ATP2A2: variants seen among roughly 807,000 people sequenced by gnomAD.
ATP2A2 encodes sarcoplasmic/endoplasmic reticulum calcium ATPase 2.
Under a neutral mutation model 109.3 loss-of-function variants are expected in ATP2A2, and 14 were observed. The ratio of observed to expected loss-of-function variants is 0.13; its 90% CI spans 0.08 to 0.20. The LOEUF (loss-of-function observed/expected upper bound fraction) is 0.20. ATP2A2 is among the 10% of genes least tolerant of loss of function. The pLI is 1.00. For synonymous variants in ATP2A2, 506 were observed against 490.9 expected (o/e 1.03, Z -0.41); for missense variants, 657 against 1,321.6 (o/e 0.50, Z 7.80).
chr12:110,328,337 G>A (rs573759917), intron 8 of ATP2A2, among the ~76,000 whole-genome samples: 15 of 151,380 alleles, frequency 9.9e-5, no homozygotes, highest in African/African-American at 2.4e-4. Context: ...TTGAGAGGCC[G>A]AGGCGGGTGG....
chr12:110,313,501 G>C (rs577840796), intron 5 of ATP2A2, among the ~76,000 whole-genome samples: 138 of 151,482 alleles, frequency 9.1e-4, no homozygotes, highest in African/African-American at 3.1e-3. Flanking sequence ...TTTTAGTAGA[G>C]ATGGGGTTTC....
At chr12:110,282,526 A>C in intron 1 of ATP2A2, 78 bp from the exon 2 acceptor site, 1 of 1,550,026 alleles carries the variant, frequency 6.5e-7, no homozygotes, top group Non-Finnish European at 8.9e-7. Flanking sequence ...TAGAAAAACG[A>C]AGTGCTAAAA....
chr12:110,345,023 T>G (rs1879710483), intron 17 of ATP2A2, 52 bp downstream of exon 17: 1 of 1,578,064 alleles, frequency 6.3e-7, no homozygotes, highest in Non-Finnish European at 8.7e-7. Flanking sequence ...TTGTGAGGCC[T>G]TGACCTTTCT....
intron 5 of ATP2A2, among the ~76,000 whole-genome samples, chr12:110,303,217 C>T (rs1005457862): frequency 6.6e-6 from 1 of 152,078 alleles, no homozygotes; most frequent in Non-Finnish European, 1.5e-5. Context: ...TGTGTGTGTT[C>T]AATACAATTA....
intron 11 of ATP2A2, among the ~76,000 whole-genome samples, chr12:110,334,736 C>T (rs1294623239): frequency 6.6e-6 from 1 of 151,874 alleles, no homozygotes; most frequent in African/African-American, 2.4e-5. Flanking sequence ...TACAGGCACA[C>T]GCCACCACGC....
At position 110,281,840 on chromosome 12, in the gene ATP2A2, C is replaced by A; in HGVS notation, c.51C>A (p.Gly17=). The part of the protein sequence containing the change: ...KTVEEVLGHF[G]VNESTGLSLE... ...TGGAGGAGGTGCTGGGCCACTTCGG[C>A]GTCAACGAGAGTACGGGGCTGAGCC... is the stretch of plus-strand genomic sequence containing the variant. The change falls in exon 1 of 20, where the codon GGC becomes GGA. Residue 17 remains glycine (G), a synonymous_variant. Coordinates refer to ENST00000539276, the MANE Select transcript of ATP2A2 (RefSeq NM_170665.4). 1 of 1,566,138 alleles carries A rather than the reference C, an allele frequency of 6.4e-7. No homozygotes were observed. Among genetic ancestry groups the A allele is most frequent in the East Asian group, 2.4e-5 (1 of 41,598 alleles).
chr12:110,312,647 C>T (rs1373711485), intron 5 of ATP2A2, among the ~76,000 whole-genome samples: 5 of 151,590 alleles, frequency 3.3e-5, no homozygotes, highest in South Asian at 2.1e-4. Context: ...CCCAGGAGTT[C>T]GAGACCAGCC....
At chr12:110,288,287 A>G (rs979035074) in intron 3 of ATP2A2, among the ~76,000 whole-genome samples, 8 of 151,494 alleles carry the variant, frequency 5.3e-5, no homozygotes, top group African/African-American at 1.9e-4. Context: ...TTTTTTTTAT[A>G]CACATAGGGT....
chr12:110,301,199 T>C lies in ATP2A2; in HGVS notation c.463+4462T>C, dbSNP rs147668535. ...GGCTGTTTTAGTGTGTTGAGTCTAC[T>C]TGAAGCCTTAGAGAAATTACCCCCA... On this transcript the variant is annotated intron_variant, in intron 5 of 19. Coordinates refer to ENST00000539276, the MANE Select transcript of ATP2A2 (RefSeq NM_170665.4). 6.0e-3 allele frequency among the ~76,000 whole-genome samples: 916 copies of C among 152,282 alleles called. 6 individuals are homozygous for C. The highest frequency in any genetic ancestry group is 0.021 in the African/African-American group (890 of 41,556).
intron 4 of ATP2A2, among the ~76,000 whole-genome samples, chr12:110,294,310 C>T (rs1221610932): frequency 6.6e-6 from 1 of 152,006 alleles, no homozygotes; most frequent in African/African-American, 2.4e-5. Context: ...CCCAAAGTGC[C>T]GGGATTACAA....
chr12:110,311,622 A>AAAG (rs1876073126), intron 5 of ATP2A2, among the ~76,000 whole-genome samples: 2 of 141,016 alleles, frequency 1.4e-5, no homozygotes, highest in African/African-American at 5.2e-5. Context: ...AAAAAAAAAA[A>AAAG]CGCTGGGATT....
At chr12:110,310,794 GCAATTTAAAGGAAGAAAACTTT>G (rs1219644556) in intron 5 of ATP2A2, among the ~76,000 whole-genome samples, 5 of 152,166 alleles carry the variant, frequency 3.3e-5, no homozygotes, top group African/African-American at 4.8e-5. Context: ...AAACTTGACA[GCAATTTAAAGGAAGAAAACTTT>G]CAATTTAAAG....
At position 110,348,821 on chromosome 12, in the gene ATP2A2, G is replaced by C. The variant is rs551474449; in HGVS notation, c.*2351G>C. 1 of 985,528 alleles carries C rather than the reference G, an allele frequency of 1.0e-6. No homozygotes were observed. The highest frequency in any genetic ancestry group is 4.7e-5 in the South Asian group (1 of 21,290). The allele number at this position is 985,528 out of a possible 1,614,324, so 61.0% of individuals were successfully genotyped here. A position where few individuals can be genotyped will look rare whatever the true frequency, so the allele number is the denominator to read the frequency against. ...TTGGGGCAGGGGGTAAATTTTGCCA[G>C]TTTGAGCATCATGAGGTGTAACAAG... On this transcript the variant is annotated 3_prime_UTR_variant, in exon 20 of 20. Transcript: ENST00000539276.
At chr12:110,328,753 G>A (rs536280159) in intron 8 of ATP2A2, among the ~76,000 whole-genome samples, 2 of 151,906 alleles carry the variant, frequency 1.3e-5, no homozygotes, top group South Asian at 4.2e-4. Flanking sequence ...TTTTTTTGTA[G>A]AGGCAGGTTC....
chr12:110,284,887 T>C (rs906086876), intron 3 of ATP2A2, among the ~76,000 whole-genome samples: 8 of 152,230 alleles, frequency 5.3e-5, no homozygotes, highest in Non-Finnish European at 1.0e-4. Flanking sequence ...ACCTGTTGTG[T>C]TGATTTTCTT....
At chr12:110,303,509 C>G (rs1282977755) in intron 5 of ATP2A2, among the ~76,000 whole-genome samples, 2 of 152,178 alleles carry the variant, frequency 1.3e-5, no homozygotes, top group Admixed American at 1.3e-4. Flanking sequence ...CTCCCTGGTT[C>G]AAGCGATTCT....
In ATP2A2 at chr12:110,333,323, G is replaced by A. The variant is rs147107435; in HGVS notation, c.1287+40G>A. 2.6e-5 allele frequency: 40 copies of A among 1,529,676 alleles called. No individual in the cohort carries two copies. The East Asian group carries it at 3.6e-4, about 14-fold the overall frequency. 94.8% of individuals were successfully genotyped at this position (1,529,676 alleles called of 1,614,324 possible). A position where few individuals can be genotyped will look rare whatever the true frequency, so the allele number is the denominator to read the frequency against. On this transcript the variant is annotated intron_variant, in intron 10 of 19. Transcript: ENST00000539276. ...AAATTAGAAGGAATGGCTGTTCCTA[G>A]TTCAAGGGTGGGGTGGGTGGAATGA...
chr12:110,282,163 G>T (rs976418446), intron 1 of ATP2A2, among the ~76,000 whole-genome samples: 1 of 152,202 alleles, frequency 6.6e-6, no homozygotes, highest in Non-Finnish European at 1.5e-5. Flanking sequence ...AGCAGCAGCC[G>T]GCCCCGGTGG....
intron 5 of ATP2A2, among the ~76,000 whole-genome samples, chr12:110,318,297 T>A (rs539743766): frequency 6.6e-6 from 1 of 152,318 alleles, no homozygotes; most frequent in South Asian, 2.1e-4. Flanking sequence ...GACTCTGATA[T>A]CAACAAAAGG....
Sources: allele counts gnomAD v4.1 joint callset (sites outside exome capture counted in the v4.1 genomes callset), GRCh38; gene constraint gnomAD v4.1.1; transcripts MANE v1.5; gene names NCBI Gene and HGNC (gene_info 2026-07-23, HGNC 2026-07-21).